RPS6KC1: variants seen among roughly 807,000 people sequenced by gnomAD.
The protein encoded by RPS6KC1 is ribosomal protein S6 kinase C1.
In RPS6KC1, 54 loss-of-function variants were observed where a neutral mutation model predicts 103.8. The observed-to-expected ratio is 0.52, with a 90% CI of 0.42 to 0.65. The LOEUF is 0.65. Among genes scored for constraint, RPS6KC1 ranks in the 30% least tolerant of loss-of-function variants. The pLI is 0.00. For synonymous variants in RPS6KC1, 439 were observed against 438.7 expected (o/e 1.00, Z -0.01); for missense variants, 1,151 against 1,253.8 (o/e 0.92, Z 1.24).
chr1:213,618,657 G>A, the RPS6KC1 span, among the ~76,000 whole-genome samples: 47 of 152,314 alleles, frequency 3.1e-4, no homozygotes, highest in African/African-American at 9.4e-4. Flanking sequence ...TTTCATTTGG[G>A]TTAATATCAG....
chr1:213,497,540 A>G, the RPS6KC1 span, among the ~76,000 whole-genome samples: 1 of 152,164 alleles, frequency 6.6e-6, no homozygotes, highest in Non-Finnish European at 1.5e-5. Flanking sequence ...TAACAAGAAC[A>G]CTGCATATCC....
At chr1:213,060,983 A>AG (rs1341055867) in intron 1 of RPS6KC1, among the ~76,000 whole-genome samples, 1 of 151,870 alleles carries the variant, frequency 6.6e-6, no homozygotes, top group East Asian at 1.9e-4. Flanking sequence ...CAAGACCAAG[A>AG]GGCCAGCAGA....
the RPS6KC1 span, among the ~76,000 whole-genome samples, chr1:213,606,656 A>G: frequency 6.6e-6 from 1 of 152,216 alleles, no homozygotes; most frequent in African/African-American, 2.4e-5. Flanking sequence ...GCTGTTCTCA[A>G]GCTGGAGCCT....
intron 4 of RPS6KC1, among the ~76,000 whole-genome samples, chr1:213,112,899 C>G (rs1033987193): frequency 2.6e-5 from 4 of 152,166 alleles, no homozygotes; most frequent in Non-Finnish European, 5.9e-5. Flanking sequence ...TGAACTCATC[C>G]TTTTTTATGG....
At chr1:213,660,548 C>G in the RPS6KC1 span, among the ~76,000 whole-genome samples, 38 of 152,362 alleles carry the variant, frequency 2.5e-4, no homozygotes, top group African/African-American at 8.4e-4. Context: ...GCCAAACTAA[C>G]TGCAAACATT....
At position 213,263,609 on chromosome 1, in the gene RPS6KC1, A is replaced by T. The variant is rs535443605; in HGVS notation, c.3090+793A>T. Among the ~76,000 whole-genome samples, 398 of 139,652 alleles carry T rather than the reference A, an allele frequency of 2.8e-3. 2 individuals are homozygous for T. The highest frequency in any genetic ancestry group is 9.1e-3 in the African/African-American group (365 of 40,256). 91.6% of individuals were successfully genotyped at this position (139,652 alleles called of 152,430 possible). A position where few individuals can be genotyped will look rare whatever the true frequency, so the allele number is the denominator to read the frequency against. ...AAATTATGTAATGAAACATGGATTT[A>T]AAAAAAAAAGTCAGGGAAAACAAAA... On this transcript the variant is annotated intron_variant, in intron 14 of 14. Transcript: ENST00000366960.
intron 14 of RPS6KC1, 77 bp from the exon 15 acceptor site, chr1:213,272,447 T>C (rs2095067055): frequency 3.6e-6 from 4 of 1,123,444 alleles, no homozygotes; most frequent in Middle Eastern, 3.9e-4. Flanking sequence ...ATTTAGAAGT[T>C]GTTTCTTTTC....
chr1:213,793,249 C>T, the RPS6KC1 span, among the ~76,000 whole-genome samples: 1 of 152,212 alleles, frequency 6.6e-6, no homozygotes, highest in African/African-American at 2.4e-5. Context: ...CCTTCTCTCT[C>T]CTCCATCCAG....
At chr1:213,796,485 G>A in the RPS6KC1 span, among the ~76,000 whole-genome samples, 3 of 152,090 alleles carry the variant, frequency 2.0e-5, no homozygotes, top group Admixed American at 6.6e-5. Flanking sequence ...GACTCATCCC[G>A]AAGAAGCCCT....
At chr1:213,784,011 A>G in the RPS6KC1 span, among the ~76,000 whole-genome samples, 1 of 152,130 alleles carries the variant, frequency 6.6e-6, no homozygotes, top group African/African-American at 2.4e-5. Context: ...TCAAGCCACA[A>G]CAAGGCTTTG....
the RPS6KC1 span, among the ~76,000 whole-genome samples, chr1:213,337,788 G>C: frequency 2.0e-5 from 3 of 152,198 alleles, no homozygotes; most frequent in African/African-American, 4.8e-5. Context: ...GGATGATACA[G>C]CTCCACACAA....
the RPS6KC1 span, among the ~76,000 whole-genome samples, chr1:213,298,085 G>T: frequency 6.6e-6 from 1 of 152,224 alleles, no homozygotes; most frequent in African/African-American, 2.4e-5. Flanking sequence ...TCAACTTGGG[G>T]GCATCTTCAG....
chr1:213,472,129 A>T, the RPS6KC1 span, among the ~76,000 whole-genome samples: 2 of 152,174 alleles, frequency 1.3e-5, no homozygotes, highest in African/African-American at 2.4e-5. Context: ...TGGAGTGGTT[A>T]CTTCCTTTAT....
At chr1:213,449,776 G>A in the RPS6KC1 span, among the ~76,000 whole-genome samples, 1 of 152,174 alleles carries the variant, frequency 6.6e-6, no homozygotes. Flanking sequence ...TCTTTCTGGA[G>A]GAGGACAGCC....
chr1:213,655,106 G>A, the RPS6KC1 span, among the ~76,000 whole-genome samples: 1 of 152,198 alleles, frequency 6.6e-6, no homozygotes, highest in East Asian at 1.9e-4. Context: ...GCAGTTGCAT[G>A]ATCTCGGCTC....
rs141541042 is a variant in RPS6KC1 at position 213,167,489 on chromosome 1, C to CACACACACACACACACAA, written c.836-368_836-367insCACACACACACACACAAA. The stretch of plus-strand genomic sequence containing the variant: ...ACACACACACACACACACACACACA[C>CACACACACACACACACAA]AACAGCTGTTGCATTTGGTCCTATT... On this transcript the variant is annotated intron_variant, in intron 6 of 14. Transcript: ENST00000366960. 4.8e-4 allele frequency among the ~76,000 whole-genome samples: 61 copies of CACACACACACACACACAA among 126,180 alleles called. 2 individuals carry two copies. Among genetic ancestry groups the CACACACACACACACACAA allele is most frequent in the African/African-American group, 1.6e-3 (41 of 26,260 alleles). 82.8% of individuals were successfully genotyped at this position (126,180 alleles called of 152,430 possible).
At chr1:213,778,857 C>T in the RPS6KC1 span, among the ~76,000 whole-genome samples, 1 of 152,100 alleles carries the variant, frequency 6.6e-6, no homozygotes, top group African/African-American at 2.4e-5. Context: ...GAGATGCCCA[C>T]AGCCAAAGCA....
At chr1:213,418,898 G>C in the RPS6KC1 span, among the ~76,000 whole-genome samples, 26 of 152,202 alleles carry the variant, frequency 1.7e-4, no homozygotes, top group African/African-American at 6.0e-4. Context: ...CAGGTGGCTC[G>C]GCTGCCAGGC....
chr1:213,721,281 A>C, the RPS6KC1 span, among the ~76,000 whole-genome samples: 10 of 152,210 alleles, frequency 6.6e-5, no homozygotes, highest in South Asian at 2.1e-3. Flanking sequence ...TTGTGTCCCC[A>C]CCCAAATCTC....
Sources: gnomAD v4.1 joint callset for allele counts (sites outside exome capture counted in the v4.1 genomes callset) on GRCh38, gnomAD v4.1.1 for gene constraint, MANE v1.5 for transcripts, NCBI Gene and HGNC (gene_info 2026-07-23, HGNC 2026-07-21) for gene names.